Variants in CTNNAL1 observed in about 807,000 individuals in gnomAD.
CTNNAL1 encodes alpha-catulin.
CTNNAL1 carries 69 observed loss-of-function variants against 93.6 expected under a neutral mutation model. The ratio of observed to expected loss-of-function variants is 0.74; its 90% CI spans 0.61 to 0.90. The LOEUF (loss-of-function observed/expected upper bound fraction) is 0.90. Among genes scored for constraint, CTNNAL1 ranks in the 40% least tolerant of loss-of-function variants. CTNNAL1 has a pLI of 0.00. For synonymous variants in CTNNAL1, 286 were observed against 305.4 expected, an observed-to-expected ratio of 0.94 and a Z score of 0.66; for missense variants, 836 against 862.0, an observed-to-expected ratio of 0.97 and a Z score of 0.38.
At position 108,976,982 on chromosome 9, in the gene CTNNAL1, G is replaced by T; in HGVS notation, c.1168C>A (p.Leu390Ile). The change falls in exon 8 of 19, where the codon CTT (leucine) becomes ATT (isoleucine). Residue 390 changes from leucine to isoleucine, a missense_variant. Leu to Ile is a conservative substitution (Grantham distance 5, BLOSUM62 2). Coordinates refer to ENST00000325551, the MANE Select transcript of CTNNAL1 (RefSeq NM_003798.4). Reference protein sequence around the residue: ...ELSILKISHSLNELKKELHST... With the variant: ...ELSILKISHSINELKKELHST... The stretch of plus-strand genomic sequence containing the variant: ...CTTACTTCTTTCTTAAGTTCATTAA[G>T]ACTGTGACTGATTTTCAAAATACTG... 6.7e-7 allele frequency: 1 copy of T among 1,489,814 alleles called. No individual in the cohort carries two copies. 92.3% of individuals were successfully genotyped at this position (1,489,814 alleles called of 1,614,324 possible).
intron 3 of CTNNAL1, among the ~76,000 whole-genome samples, chr9:108,992,345 A>G (rs1456993143): frequency 6.6e-6 from 1 of 152,196 alleles, no homozygotes; most frequent in Non-Finnish European, 1.5e-5. Flanking sequence ...ATTATAATAG[A>G]CAAGCATTGC....
intron 1 of CTNNAL1, among the ~76,000 whole-genome samples, chr9:109,002,455 C>T (rs552086459): frequency 6.6e-5 from 10 of 152,174 alleles, no homozygotes; most frequent in Admixed American, 3.9e-4. Flanking sequence ...AAAATCTTAC[C>T]GGAAACTGGA....
chr9:108,942,680 T>G lies in CTNNAL1; in HGVS notation c.*89A>C. ...AATATTGTTTTCTTTATAAAATTGA[T>G]GAATTTCTGAAAAGATAAAGGATCA... is the stretch of plus-strand genomic sequence containing the variant. On this transcript the variant is annotated 3_prime_UTR_variant, in exon 19 of 19. Coordinates refer to ENST00000325551, the MANE Select transcript of CTNNAL1 (RefSeq NM_003798.4). 1.1e-6 allele frequency: 1 copy of G among 906,496 alleles called. No homozygotes were observed. Among genetic ancestry groups the G allele is most frequent in the Non-Finnish European group, 1.7e-6 (1 of 573,802 alleles). The allele number at this position is 906,496 out of a possible 1,614,324, so 56.2% of individuals were successfully genotyped here.
intron 1 of CTNNAL1, among the ~76,000 whole-genome samples, chr9:109,008,876 CTTTTTTTTTTTTTTTT>C (rs1162375548): frequency 3.6e-5 from 2 of 54,872 alleles, no homozygotes; most frequent in African/African-American, 1.5e-4. Flanking sequence ...AACAGAGGTT[CTTTTTTTTTTTTTTTT>C]TTTTTTTTTT....
chr9:108,988,434 A>G (rs563718045), intron 4 of CTNNAL1, among the ~76,000 whole-genome samples: 1 of 152,254 alleles, frequency 6.6e-6, no homozygotes, highest in South Asian at 2.1e-4. Flanking sequence ...TCATCTCTCA[A>G]TAGATTACTG....
intron 15 of CTNNAL1, among the ~76,000 whole-genome samples, chr9:108,945,667 G>T (rs1830383400): frequency 6.6e-6 from 1 of 150,714 alleles, no homozygotes; most frequent in Non-Finnish European, 1.5e-5. Context: ...TAGAGACAAG[G>T]TCTCACTATG....
At chr9:109,002,821 TAA>T (rs78555162) in intron 1 of CTNNAL1, among the ~76,000 whole-genome samples, 64 of 124,672 alleles carry the variant, frequency 5.1e-4, no homozygotes, top group Non-Finnish European at 4.6e-4. Context: ...CCATCTCCAC[TAA>T]AAAAAAAAAA....
At chr9:109,004,900 A>G (rs1826970190) in intron 1 of CTNNAL1, among the ~76,000 whole-genome samples, 1 of 152,232 alleles carries the variant, frequency 6.6e-6, no homozygotes, top group African/African-American at 2.4e-5. Context: ...ACATACTATA[A>G]TTAGCTATCT....
At chr9:108,956,045 T>C (rs2304784) in intron 11 of CTNNAL1, among the ~76,000 whole-genome samples, 11,272 of 152,264 alleles carry the variant, frequency 0.074, 498 homozygotes, top group Admixed American at 0.13. Context: ...CCTATGCTGG[T>C]CAATCTCCAC....
chr9:108,943,430 C>T (rs1830305417), intron 17 of CTNNAL1, among the ~76,000 whole-genome samples: 3 of 152,162 alleles, frequency 2.0e-5, no homozygotes, highest in Admixed American at 6.6e-5. Context: ...CTCGGAGGCA[C>T]CTGTGTCCTA....
rs1827280056 is a variant in CTNNAL1 at position 109,013,426 on chromosome 9, C to A, written c.17G>T (p.Gly6Val). MAASP[G>V]PAGVGGAGAV... is the part of the protein sequence containing the mutation. Reference sequence around the variant, plus strand: ...TCCGGCGCCGCCAACGCCGGCGGGTCCGGGAGAGGCGGCCATGGCCCTCGG... The same window carrying A: ...TCCGGCGCCGCCAACGCCGGCGGGTACGGGAGAGGCGGCCATGGCCCTCGG... The change falls in exon 1 of 19, where the codon GGA (glycine) becomes GTA (valine). Residue 6 changes from glycine to valine, a missense_variant. Transcript: ENST00000325551. 6.8e-7 allele frequency: 1 copy of A among 1,479,180 alleles called. No individual in the cohort carries two copies. The highest frequency in any genetic ancestry group is 1.3e-5 in the South Asian group (1 of 77,094). The allele number at this position is 1,479,180 out of a possible 1,614,324, so 91.6% of individuals were successfully genotyped here.
At chr9:109,005,412 A>G (rs1826991975) in intron 1 of CTNNAL1, among the ~76,000 whole-genome samples, 2 of 152,282 alleles carry the variant, frequency 1.3e-5, no homozygotes, top group South Asian at 4.1e-4. Flanking sequence ...TCCTTATGTT[A>G]AAATCCTAAC....
At chr9:108,961,162 CAACAATAGTCAT>C (rs1830811440) in intron 11 of CTNNAL1, among the ~76,000 whole-genome samples, 1 of 152,154 alleles carries the variant, frequency 6.6e-6, no homozygotes, top group South Asian at 2.1e-4. Flanking sequence ...AAAGGCTTTT[CAACAATAGTCAT>C]AACAGGAGTC....
chr9:109,009,244 G>A lies in CTNNAL1; in HGVS notation c.141+4058C>T, dbSNP rs1339407379. 2.0e-5 allele frequency among the ~76,000 whole-genome samples: 3 copies of A among 151,732 alleles called. No individual in the cohort carries two copies. The East Asian group carries it at 5.8e-4, about 29-fold the overall frequency. ...CGAATTTATCCATTTTTTTCTTAAG[G>A]TTTATACTTGTGGTATACTAACAAA... is the stretch of plus-strand genomic sequence containing the variant. On this transcript the variant is annotated intron_variant, in intron 1 of 18. Transcript: ENST00000325551.
At chr9:108,996,433 C>T (rs1287909695) in intron 2 of CTNNAL1, among the ~76,000 whole-genome samples, 1 of 152,166 alleles carries the variant, frequency 6.6e-6, no homozygotes, top group African/African-American at 2.4e-5. Flanking sequence ...TATTTTACAA[C>T]TCCAGAAGGC....
chr9:108,967,991 C>T (rs1407318845), intron 10 of CTNNAL1, among the ~76,000 whole-genome samples: 1 of 152,150 alleles, frequency 6.6e-6, no homozygotes, highest in Non-Finnish European at 1.5e-5. Context: ...TTACAGCTAG[C>T]TGTTCCTCCC....
In CTNNAL1 at chr9:108,990,910, TGAGTA is replaced by T. The variant is rs1831775346; in HGVS notation, c.520-70_520-66del. ...CTCAAGAGACTGAGATTGTCAAGGC[TGAGTA>T]GAGAGAAGAAAAGGAAAATTCTGAA... On this transcript the variant is annotated intron_variant, in intron 3 of 18. Transcript: ENST00000325551. 4.6e-6 allele frequency: 7 copies of T among 1,528,638 alleles called. No individual in the cohort carries two copies. The South Asian group carries it at 5.3e-5, about 11-fold the overall frequency. The allele number at this position is 1,528,638 out of a possible 1,614,324, so 94.7% of individuals were successfully genotyped here.
chr9:108,977,347 A>T, intron 7 of CTNNAL1: 1 of 175,108 alleles, frequency 5.7e-6, no homozygotes, highest in Non-Finnish European at 1.2e-5. Context: ...TAATAAACTC[A>T]AGTCTAAAAT....
chr9:108,980,122 C>T (rs759220831), intron 6 of CTNNAL1, among the ~76,000 whole-genome samples: 2 of 152,212 alleles, frequency 1.3e-5, no homozygotes, highest in Non-Finnish European at 2.9e-5. Flanking sequence ...TATAGAGAAT[C>T]AAGCCCAAAC....
Sources: gnomAD v4.1 joint callset for allele counts (sites outside exome capture counted in the v4.1 genomes callset) on GRCh38, gnomAD v4.1.1 for gene constraint, MANE v1.5 for transcripts, NCBI Gene and HGNC (gene_info 2026-07-23, HGNC 2026-07-21) for gene names.